Variants in TANK observed in about 807,000 individuals in gnomAD.
TANK encodes the protein TRAF family member associated NFKB activator.
TANK carries 15 observed loss-of-function variants against 43.6 expected under a neutral mutation model. The observed-to-expected ratio is 0.34, with a 90% CI of 0.23 to 0.53. TANK has a LOEUF of 0.53. Ranked by LOEUF, TANK falls within the 20% of genes least tolerant of loss-of-function variation. The probability of loss-of-function intolerance (pLI) is 0.94; values close to 1 mark genes in which losing one functional copy is unlikely to be tolerated. For synonymous variants in TANK, 162 were observed against 178.2 expected (o/e 0.91, Z 0.73); for missense variants, 417 against 498.6 (o/e 0.84, Z 1.56).
intron 6 of TANK, among the ~76,000 whole-genome samples, chr2:161,228,361 G>A (rs894696540): frequency 9.9e-5 from 15 of 152,074 alleles, no homozygotes; most frequent in African/African-American, 3.4e-4. Context: ...GAGAAACCCC[G>A]TCTCTACTAA....
At chr2:161,174,001 C>A (rs1177574672) in intron 1 of TANK, among the ~76,000 whole-genome samples, 2 of 152,154 alleles carry the variant, frequency 1.3e-5, no homozygotes, top group Admixed American at 6.5e-5. Flanking sequence ...CACGTAGTCA[C>A]ATGACCACAC....
chr2:161,207,295 A>G, intron 4 of TANK: 1 of 651,408 alleles, frequency 1.5e-6, no homozygotes. Context: ...GGTAAGAGGA[A>G]AAGCTCCAAG....
chr2:161,167,046 G>T (rs1369490560), intron 1 of TANK, among the ~76,000 whole-genome samples: 2 of 152,230 alleles, frequency 1.3e-5, no homozygotes, highest in African/African-American at 2.4e-5. Context: ...CACCACAAGT[G>T]TGAACTCTGG....
intron 1 of TANK, among the ~76,000 whole-genome samples, chr2:161,142,379 G>A (rs548727709): frequency 2.6e-4 from 39 of 152,106 alleles, no homozygotes; most frequent in African/African-American, 8.0e-4. Context: ...TGGCATTTTC[G>A]TCATGAAATC....
intron 2 of TANK, among the ~76,000 whole-genome samples, chr2:161,195,989 G>A (rs897195297): frequency 2.6e-5 from 4 of 152,144 alleles, no homozygotes; most frequent in Non-Finnish European, 5.9e-5. Flanking sequence ...GGAGCCTGAG[G>A]CAGGAGAATC....
At chr2:161,140,811 G>A (rs966570057) in intron 1 of TANK, among the ~76,000 whole-genome samples, 36 of 147,268 alleles carry the variant, frequency 2.4e-4, no homozygotes, top group African/African-American at 9.0e-4. Flanking sequence ...AGGATAGTAA[G>A]GGTTTTTTTT....
chr2:161,206,328 C>T (rs958307449), intron 4 of TANK, among the ~76,000 whole-genome samples: 5 of 152,026 alleles, frequency 3.3e-5, no homozygotes, highest in Admixed American at 6.6e-5. Context: ...GAATAAAATA[C>T]GAACTCCTAG....
intron 1 of TANK, among the ~76,000 whole-genome samples, chr2:161,164,712 A>G (rs561145161): frequency 6.6e-6 from 1 of 152,306 alleles, no homozygotes; most frequent in South Asian, 2.1e-4. Flanking sequence ...TTCCTAATCT[A>G]TAAAAGCTTT....
chr2:161,214,180 C>G (rs1687022861), intron 4 of TANK, among the ~76,000 whole-genome samples: 1 of 152,154 alleles, frequency 6.6e-6, no homozygotes. Context: ...GGCAACAAAT[C>G]TTGTCTGTTG....
chr2:161,232,547 C>G lies in TANK; in HGVS notation c.1101+996C>G, dbSNP rs560289955. 9.8e-5 allele frequency among the ~76,000 whole-genome samples: 15 copies of G among 152,288 alleles called. No individual in the cohort carries two copies. The South Asian group carries it at 3.1e-3, about 32-fold the overall frequency. On this transcript the variant is annotated intron_variant, in intron 7 of 7. Transcript: ENST00000392749. ...GCTGACAATAAGTTTTAATTATAACCTCACTTATGTTCTTGTTCATTGTAC... is the reference window on the plus strand; with the variant it reads ...GCTGACAATAAGTTTTAATTATAACGTCACTTATGTTCTTGTTCATTGTAC...
chr2:161,154,714 T>C (rs1185103687), intron 1 of TANK, among the ~76,000 whole-genome samples: 2 of 152,196 alleles, frequency 1.3e-5, no homozygotes, highest in African/African-American at 4.8e-5. Context: ...TTAATTTCTT[T>C]CTTCCTCTAT....
chr2:161,211,800 G>C (rs1686901208), intron 4 of TANK: 4 of 985,440 alleles, frequency 4.1e-6, no homozygotes, highest in African/African-American at 3.5e-5. Flanking sequence ...TAGAGAACTG[G>C]AGAAAAACGT....
At chr2:161,234,729 T>C (rs1310630631) in intron 7 of TANK, among the ~76,000 whole-genome samples, 1 of 152,200 alleles carries the variant, frequency 6.6e-6, no homozygotes, top group Non-Finnish European at 1.5e-5. Context: ...CTGCATGTGT[T>C]AGATTTTGTT....
chr2:161,173,339 C>T (rs1015391476), intron 1 of TANK, among the ~76,000 whole-genome samples: 1 of 152,118 alleles, frequency 6.6e-6, no homozygotes, highest in Non-Finnish European at 1.5e-5. Context: ...CTTTTCAGGG[C>T]CTCTGCTCTT....
intron 2 of TANK, among the ~76,000 whole-genome samples, chr2:161,182,754 A>G (rs1214792855): frequency 6.6e-6 from 1 of 152,146 alleles, no homozygotes; most frequent in Admixed American, 6.6e-5. Context: ...ATGTGATTGC[A>G]CAAAAAGGGT....
intron 1 of TANK, among the ~76,000 whole-genome samples, chr2:161,145,988 T>C (rs1383032276): frequency 6.6e-6 from 1 of 152,202 alleles, no homozygotes; most frequent in African/African-American, 2.4e-5. Context: ...TCTTTTTACA[T>C]AGTCCCATAT....
intron 1 of TANK, among the ~76,000 whole-genome samples, chr2:161,152,814 A>G (rs1052769201): frequency 1.3e-4 from 20 of 152,238 alleles, no homozygotes; most frequent in African/African-American, 4.8e-4. Flanking sequence ...TACTAGAAAA[A>G]GACTTTCAGT....
chr2:161,229,477 AG>A (rs1160081170), intron 6 of TANK, among the ~76,000 whole-genome samples: 1 of 152,224 alleles, frequency 6.6e-6, no homozygotes, highest in East Asian at 1.9e-4. Flanking sequence ...ACAAATTCAG[AG>A]GCAAGGAAGC....
intron 2 of TANK, among the ~76,000 whole-genome samples, chr2:161,192,425 C>T (rs1218397576): frequency 1.3e-5 from 2 of 152,172 alleles, no homozygotes; most frequent in Non-Finnish European, 2.9e-5. Flanking sequence ...CTACTGATCA[C>T]GAAGTATATT....
Sources: allele counts gnomAD v4.1 joint callset (sites outside exome capture counted in the v4.1 genomes callset), GRCh38; gene constraint gnomAD v4.1.1; transcripts MANE v1.5; gene names NCBI Gene and HGNC (gene_info 2026-07-23, HGNC 2026-07-21).